ACAD11: variants seen among roughly 807,000 people sequenced by gnomAD.
ACAD11 encodes the protein acyl-CoA dehydrogenase family member 11, also known as acyl-Coenzyme A dehydrogenase family, member 11.
ACAD11 carries 83 observed loss-of-function variants against 102.2 expected under a neutral mutation model. The ratio of observed to expected loss-of-function variants is 0.81; its 90% CI spans 0.68 to 0.97. The LOEUF is 0.97. Ranked by LOEUF, ACAD11 falls within the 50% of genes least tolerant of loss-of-function variation. The pLI is 0.00. For synonymous variants in ACAD11, 324 were observed against 319.8 expected, an observed-to-expected ratio of 1.01 and a Z score of -0.14; for missense variants, 901 against 951.7, an observed-to-expected ratio of 0.95 and a Z score of 0.70.
intron 16 of ACAD11, 74 bp downstream of exon 16, chr3:132,576,870 G>A: frequency 9.2e-7 from 1 of 1,090,610 alleles, no homozygotes; most frequent in South Asian, 1.4e-5. Context: ...AATCTGGAAA[G>A]ACTTATCTTT....
rs767846790 is a variant in ACAD11 at position 132,577,031 on chromosome 3, T to C, written c.1775-16A>G. On this transcript the variant is annotated splice_polypyrimidine_tract_variant and intron_variant, in intron 15 of 19. Transcript: ENST00000264990. ...TGAAAATTATCTATAAAATAGAAAA[T>C]AAAATTTAGAGCAAAAGGAGTTGAC... 6.6e-7 allele frequency: 1 copy of C among 1,516,906 alleles called. No homozygotes were observed. The allele number at this position is 1,516,906 out of a possible 1,614,324, so 94.0% of individuals were successfully genotyped here. A position where few individuals can be genotyped will look rare whatever the true frequency, so the allele number is the denominator to read the frequency against.
chr3:132,579,511 G>A lies in ACAD11; in HGVS notation c.1669C>T (p.Gln557Ter), dbSNP rs1937568735. Reference protein sequence around the residue: ...CKIAIVLGRTQNTSLSRHKQH... With the variant: ...CKIAIVLGRT Reference sequence around the variant, plus strand: ...AATTACCTGGAGAGAGAAGTATTTTGAGTTCTTCCCAAAACAATTGCAATT... The same window carrying A: ...AATTACCTGGAGAGAGAAGTATTTTAAGTTCTTCCCAAAACAATTGCAATT... Residue 557 changes from glutamine (Q) to a stop codon, truncating the protein, a stop_gained, in exon 14 of 20, where the codon CAA (glutamine) becomes TAA (stop). Coordinates refer to ENST00000264990, the MANE Select transcript of ACAD11 (RefSeq NM_032169.5). LOFTEE classifies it high-confidence loss of function. 6.2e-7 allele frequency: 1 copy of A among 1,612,694 alleles called. No individual in the cohort carries two copies. Among genetic ancestry groups the A allele is most frequent in the African/African-American group, 1.3e-5 (1 of 74,848 alleles).
At chr3:132,613,316 T>C (rs962443921) in intron 11 of ACAD11, among the ~76,000 whole-genome samples, 3 of 151,856 alleles carry the variant, frequency 2.0e-5, no homozygotes, top group African/African-American at 4.9e-5. Context: ...ACATGGCACA[T>C]GTATACATAT....
In ACAD11 at chr3:132,605,095, T is replaced by A. The variant is rs768720344; in HGVS notation, c.1522+3A>T. 4 of 1,608,040 alleles carry A rather than the reference T, an allele frequency of 2.5e-6. No individual in the cohort carries two copies. The East Asian group carries it at 8.9e-5, about 36-fold the overall frequency. ...CAAGGAGAGAATGGTGATTGGCATTTACCTGTCATACAGAAGCAAGAGGTA... is the reference window on the plus strand; with the variant it reads ...CAAGGAGAGAATGGTGATTGGCATTAACCTGTCATACAGAAGCAAGAGGTA... On this transcript the variant is annotated splice_donor_region_variant and intron_variant, in intron 12 of 19. Coordinates refer to ENST00000264990, the MANE Select transcript of ACAD11 (RefSeq NM_032169.5).
chr3:132,632,502 C>G (rs560251445), intron 5 of ACAD11, among the ~76,000 whole-genome samples: 81 of 152,260 alleles, frequency 5.3e-4, no homozygotes, highest in Middle Eastern at 3.4e-3. Flanking sequence ...AGTTTGAAGT[C>G]AGGTAGCATG....
intron 6 of ACAD11, among the ~76,000 whole-genome samples, chr3:132,631,128 A>G (rs1427733106): frequency 1.3e-5 from 2 of 152,238 alleles, no homozygotes; most frequent in African/African-American, 4.8e-5. Flanking sequence ...CGTTGTGCAC[A>G]TGTACCCTAA....
At chr3:132,612,022 CAG>C (rs1939174941) in intron 11 of ACAD11, among the ~76,000 whole-genome samples, 1 of 151,994 alleles carries the variant, frequency 6.6e-6, no homozygotes. Context: ...GGTACTAAAA[CAG>C]AGATACAGAC....
chr3:132,604,589 T>C (rs1281976112), intron 12 of ACAD11, among the ~76,000 whole-genome samples: 3 of 152,224 alleles, frequency 2.0e-5, no homozygotes, highest in Admixed American at 2.0e-4. Context: ...TTCTTAATGC[T>C]TTCTATGTAC....
At chr3:132,603,413 A>G (rs1390924466) in intron 12 of ACAD11, 86 bp from the exon 13 acceptor site, 4 of 1,211,178 alleles carry the variant, frequency 3.3e-6, no homozygotes, top group Non-Finnish European at 4.8e-6. Context: ...AAAAACAAAG[A>G]CATCTTTATC....
intron 17 of ACAD11, among the ~76,000 whole-genome samples, chr3:132,573,207 T>A (rs1345296994): frequency 6.6e-6 from 1 of 152,144 alleles, no homozygotes; most frequent in Non-Finnish European, 1.5e-5. Context: ...CTTGGTCATG[T>A]TTGCCCTTCA....
At chr3:132,599,384 G>A (rs919600373) in intron 13 of ACAD11, among the ~76,000 whole-genome samples, 1 of 151,956 alleles carries the variant, frequency 6.6e-6, no homozygotes, top group Non-Finnish European at 1.5e-5. Context: ...GTGTGTACCT[G>A]TAATCCCAGC....
chr3:132,608,696 G>A (rs1036737678), intron 11 of ACAD11, among the ~76,000 whole-genome samples: 5 of 152,124 alleles, frequency 3.3e-5, no homozygotes, highest in Admixed American at 1.3e-4. Flanking sequence ...AATAGTGGGA[G>A]ACTTTAACAC....
At chr3:132,587,616 G>C (rs906700649) in intron 13 of ACAD11, among the ~76,000 whole-genome samples, 35 of 152,252 alleles carry the variant, frequency 2.3e-4, no homozygotes, top group African/African-American at 8.2e-4. Flanking sequence ...CCTTGAAAAT[G>C]GGTCATGTTT....
At chr3:132,579,136 C>T in intron 14 of ACAD11, 1 of 1,191,904 alleles carries the variant, frequency 8.4e-7, no homozygotes, top group Non-Finnish European at 1.1e-6. Context: ...TAACTGGGAA[C>T]TTATATATAT....
At chr3:132,567,517 GTTAAA>G (rs1194674978) in intron 17 of ACAD11, among the ~76,000 whole-genome samples, 1 of 152,018 alleles carries the variant, frequency 6.6e-6, no homozygotes, top group Admixed American at 6.6e-5. Context: ...TTCTAAAAAT[GTTAAA>G]TTAACCCACA....
intron 13 of ACAD11, among the ~76,000 whole-genome samples, chr3:132,590,953 T>C (rs753820489): frequency 7.2e-5 from 11 of 152,218 alleles, no homozygotes. Context: ...ATTCTGTAGG[T>C]TGTCTGCTCA....
intron 17 of ACAD11, among the ~76,000 whole-genome samples, chr3:132,573,528 A>G (rs1162827104): frequency 6.6e-6 from 1 of 152,146 alleles, no homozygotes; most frequent in African/African-American, 2.4e-5. Flanking sequence ...TTAAAATAAC[A>G]TTTAAGGTTC....
intron 11 of ACAD11, among the ~76,000 whole-genome samples, chr3:132,610,241 A>T (rs528567813): frequency 1.3e-5 from 2 of 152,180 alleles, no homozygotes; most frequent in South Asian, 4.1e-4. Context: ...GTAGAGGGAA[A>T]TTTATAGCAC....
intron 13 of ACAD11, among the ~76,000 whole-genome samples, chr3:132,587,726 G>A (rs1937901173): frequency 6.6e-6 from 1 of 152,172 alleles, no homozygotes; most frequent in African/African-American, 2.4e-5. Flanking sequence ...TCCACAGAAT[G>A]TTGATGGTTT....
Sources: allele counts gnomAD v4.1 joint callset (sites outside exome capture counted in the v4.1 genomes callset), GRCh38; gene constraint gnomAD v4.1.1; transcripts MANE v1.5; gene names NCBI Gene and HGNC (gene_info 2026-07-23, HGNC 2026-07-21).